The following PARD3 variants were observed in gnomAD, a reference collection of about 807,000 sequenced individuals.
PARD3 encodes the protein partitioning defective 3 homolog.
PARD3 carries 75 observed loss-of-function variants against 155.4 expected under a neutral mutation model. That is an observed-to-expected ratio of 0.48 (90% confidence interval 0.40 to 0.58). The LOEUF is 0.58. PARD3 is among the 20% of genes least tolerant of loss of function. The probability of loss-of-function intolerance (pLI) is 0.00; values close to 1 mark genes in which losing one functional copy is unlikely to be tolerated. For synonymous variants in PARD3, 576 were observed against 610.5 expected, an observed-to-expected ratio of 0.94 and a Z score of 0.83; for missense variants, 1,642 against 1,721.7, an observed-to-expected ratio of 0.95 and a Z score of 0.82.
rs145247202 is a variant in PARD3 at position 34,521,297 on chromosome 10, G to C, written c.223-4138C>G. Among the ~76,000 whole-genome samples, 42 of 143,584 alleles carry C rather than the reference G, an allele frequency of 2.9e-4. 1 individual carries two copies. The highest frequency in any genetic ancestry group is 1.0e-3 in the African/African-American group (40 of 38,584). 94.2% of individuals were successfully genotyped at this position (143,584 alleles called of 152,430 possible). A position where few individuals can be genotyped will look rare whatever the true frequency, so the allele number is the denominator to read the frequency against. ...CCAGGTCCCAATATGAAATAATTTT[G>C]TGTTAAACTGGGAAAGATATATAAT... On this transcript the variant is annotated intron_variant, in intron 2 of 24. Coordinates refer to ENST00000374788, the MANE Select transcript of PARD3 (RefSeq NM_001184785.2).
At chr10:34,509,849 G>T (rs545257364) in intron 3 of PARD3, among the ~76,000 whole-genome samples, 2 of 152,208 alleles carry the variant, frequency 1.3e-5, no homozygotes, top group South Asian at 4.1e-4. Context: ...ATGTACAACT[G>T]TGCATAAAAA....
At chr10:34,226,448 G>C (rs1952606104) in intron 22 of PARD3, among the ~76,000 whole-genome samples, 1 of 152,230 alleles carries the variant, frequency 6.6e-6, no homozygotes, top group Non-Finnish European at 1.5e-5. Flanking sequence ...TATTTGGGAG[G>C]CTGAGGCAAG....
intron 2 of PARD3, among the ~76,000 whole-genome samples, chr10:34,562,587 G>T (rs1377004970): frequency 6.6e-6 from 1 of 151,990 alleles, no homozygotes; most frequent in Non-Finnish European, 1.5e-5. Context: ...GAAATTTCAT[G>T]GGACAATTCC....
At chr10:34,814,102 G>A (rs1345211266) in intron 1 of PARD3, among the ~76,000 whole-genome samples, 5 of 152,124 alleles carry the variant, frequency 3.3e-5, no homozygotes, top group African/African-American at 1.2e-4. Context: ...GGATAGGTAG[G>A]AGCTGAGGTC....
rs757702594 is a variant in PARD3, at chr10:34,696,414, T to G, written c.126A>C (p.Pro42=). The change falls in exon 2 of 25, where the codon CCA becomes CCC. Residue 42 remains proline (P), a synonymous_variant. Coordinates refer to ENST00000374788, the MANE Select transcript of PARD3 (RefSeq NM_001184785.2). ...TRYRKAIAKD[P]NYWIQVHRLE... is the part of the protein sequence containing the mutation. ...AGCGATGCACCTGTATCCAGTAGTT[T>G]GGATCCTATACGAAAGAACAGAAAC... 1 of 1,596,480 alleles carries G rather than the reference T, an allele frequency of 6.3e-7. No homozygotes were observed. Among genetic ancestry groups the G allele is most frequent in the Non-Finnish European group, 8.6e-7 (1 of 1,164,108 alleles).
chr10:34,341,976 A>T (rs1836879105), intron 15 of PARD3, among the ~76,000 whole-genome samples, 160 bp from the exon 16 acceptor site: 1 of 152,212 alleles, frequency 6.6e-6, no homozygotes, highest in South Asian at 2.1e-4. Flanking sequence ...TTTTTCATAA[A>T]TGATTGTCAA....
chr10:34,450,721 C>T (rs1384729486), intron 4 of PARD3, among the ~76,000 whole-genome samples: 2 of 152,074 alleles, frequency 1.3e-5, no homozygotes, highest in African/African-American at 4.8e-5. Flanking sequence ...TGCACTCCTA[C>T]CCAAATCAAT....
In PARD3 at chr10:34,111,130, C is replaced by A. The variant is rs1261176656; in HGVS notation, c.*39G>T. On this transcript the variant is annotated 3_prime_UTR_variant, in exon 25 of 25. Transcript: ENST00000374788. ...AATACAAGTCTTCATAGGAAAATGT[C>A]TTTTATTGCGCGACATGAAGCATCC... The A allele has an allele frequency of 2.0e-6, 3 of 1,510,594 alleles. No homozygotes were observed. The highest frequency in any genetic ancestry group is 2.7e-6 in the Non-Finnish European group (3 of 1,129,620). 93.6% of individuals were successfully genotyped at this position (1,510,594 alleles called of 1,614,324 possible). A position where few individuals can be genotyped will look rare whatever the true frequency, so the allele number is the denominator to read the frequency against.
intron 22 of PARD3, among the ~76,000 whole-genome samples, chr10:34,199,946 ATTGTGTT>A (rs2133328430): frequency 6.6e-6 from 1 of 152,320 alleles, no homozygotes; most frequent in African/African-American, 2.4e-5. Flanking sequence ...ATTCCAGGAT[ATTGTGTT>A]ATTATCCTGA....
At chr10:34,125,074 T>TTTTTTTTTTTTTC (rs1554790403) in intron 23 of PARD3, among the ~76,000 whole-genome samples, 2 of 150,842 alleles carry the variant, frequency 1.3e-5, no homozygotes, top group Admixed American at 6.6e-5. Flanking sequence ...TTTCTTTCTT[T>TTTTTTTTTTTTTC]TTTTTTTTTT....
At chr10:34,406,206 T>C (rs913027284) in intron 5 of PARD3, among the ~76,000 whole-genome samples, 2 of 152,210 alleles carry the variant, frequency 1.3e-5, no homozygotes, top group Non-Finnish European at 2.9e-5. Context: ...AAAAGTCATA[T>C]CTTCTACACT....
At chr10:34,739,885 T>C (rs2094977574) in intron 1 of PARD3, among the ~76,000 whole-genome samples, 1 of 151,962 alleles carries the variant, frequency 6.6e-6, no homozygotes, top group Non-Finnish European at 1.5e-5. Flanking sequence ...TGCTGGAAAA[T>C]ATTCCCTATC....
intron 3 of PARD3, among the ~76,000 whole-genome samples, chr10:34,496,686 T>C (rs779993469): frequency 5.3e-5 from 8 of 152,048 alleles, no homozygotes; most frequent in Non-Finnish European, 8.8e-5. Context: ...CTGAAACACA[T>C]GCACAGGGGT....
intron 22 of PARD3, among the ~76,000 whole-genome samples, chr10:34,219,549 T>C (rs1037388401): frequency 6.6e-6 from 1 of 152,218 alleles, no homozygotes; most frequent in East Asian, 1.9e-4. Context: ...ATTGTTTTAA[T>C]AGGGCTGGTA....
intron 1 of PARD3, among the ~76,000 whole-genome samples, chr10:34,727,226 G>A (rs1444437476): frequency 2.6e-5 from 4 of 152,174 alleles, no homozygotes; most frequent in East Asian, 1.9e-4. Context: ...ATGAGTGGGT[G>A]CCTGCAAGCC....
intron 2 of PARD3, among the ~76,000 whole-genome samples, chr10:34,638,171 T>C (rs897182955): frequency 6.6e-6 from 1 of 152,130 alleles, no homozygotes; most frequent in African/African-American, 2.4e-5. Flanking sequence ...TTTCCCAGGA[T>C]TCACAGCAAG....
intron 2 of PARD3, among the ~76,000 whole-genome samples, chr10:34,616,303 T>C (rs1037652522): frequency 6.6e-6 from 1 of 151,586 alleles, no homozygotes; most frequent in Non-Finnish European, 1.5e-5. Context: ...GGTGACAGGG[T>C]GAGACTCTCT....
At chr10:34,511,918 G>C (rs559443469) in intron 3 of PARD3, among the ~76,000 whole-genome samples, 19 of 152,150 alleles carry the variant, frequency 1.2e-4, no homozygotes, top group African/African-American at 4.3e-4. Flanking sequence ...TAGAGACAAG[G>C]TCCTTTATAA....
At chr10:34,197,811 C>A (rs1302068529) in intron 22 of PARD3, among the ~76,000 whole-genome samples, 1 of 152,210 alleles carries the variant, frequency 6.6e-6, no homozygotes, top group Non-Finnish European at 1.5e-5. Flanking sequence ...CTCACTGCAA[C>A]CTCTGCCTCC....
Sources: allele counts gnomAD v4.1 joint callset (sites outside exome capture counted in the v4.1 genomes callset), GRCh38; gene constraint gnomAD v4.1.1; transcripts MANE v1.5; gene names NCBI Gene and HGNC (gene_info 2026-07-23, HGNC 2026-07-21).